Variants in DSCAML1 observed in about 807,000 individuals in gnomAD.
DSCAML1 encodes the protein cell adhesion molecule DSCAML1.
In DSCAML1, 38 loss-of-function variants were observed where a neutral mutation model predicts 200.5. That is an observed-to-expected ratio of 0.19 (90% CI 0.15 to 0.25). The LOEUF is 0.25. DSCAML1 is among the 10% of genes least tolerant of loss of function. The probability of loss-of-function intolerance (pLI) is 1.00; values close to 1 mark genes in which losing one functional copy is unlikely to be tolerated. For synonymous variants in DSCAML1, 1,215 were observed against 1,165.0 expected (o/e 1.04, Z -0.87); for missense variants, 2,223 against 2,858.8 (o/e 0.78, Z 5.07).
intron 3 of DSCAML1, among the ~76,000 whole-genome samples, chr11:117,743,283 G>T (rs1364742638): frequency 1.3e-5 from 2 of 152,160 alleles, no homozygotes; most frequent in Non-Finnish European, 2.9e-5. Flanking sequence ...AGGAGCAAGG[G>T]TGCCCTGCAG....
rs184843151 is a variant in DSCAML1, at chr11:117,762,971, G to C, written c.511+13820C>G. 1.9e-4 allele frequency among the ~76,000 whole-genome samples: 29 copies of C among 152,166 alleles called. No homozygotes were observed. In the East Asian group the frequency reaches 4.8e-3, roughly 25 times the overall value. ...AAATTTGACTATTATTTTATAAAAAGTGAGAGACTATTTAGTTTGCCTTAG... is the reference window on the plus strand; with the variant it reads ...AAATTTGACTATTATTTTATAAAAACTGAGAGACTATTTAGTTTGCCTTAG... On this transcript the variant is annotated intron_variant, in intron 3 of 32. Transcript: ENST00000651296.
rs2049428397 is a variant in DSCAML1, at chr11:117,503,081, C to T, written c.2359+764G>A. 6.6e-6 allele frequency among the ~76,000 whole-genome samples: 1 copy of T among 152,140 alleles called. No individual in the cohort carries two copies. Among genetic ancestry groups the T allele is most frequent in the Non-Finnish European group, 1.5e-5 (1 of 68,020 alleles). ...TGCAGCGTAAAGGGAGAGGCTCACC[C>T]AGTAGGGATATCTGTATGAGACTTA... is the stretch of plus-strand genomic sequence containing the variant. On this transcript the variant is annotated intron_variant, in intron 11 of 32. Transcript: ENST00000651296. The surrounding 1 kb of genome is among the most constrained non-coding windows in gnomAD (Gnocchi z 5.2).
intron 21 of DSCAML1, 63 bp downstream of exon 21, chr11:117,443,823 C>G (rs2048119767): frequency 2.6e-6 from 4 of 1,518,922 alleles, no homozygotes; most frequent in Non-Finnish European, 3.5e-6. Flanking sequence ...TGGGGAGAAC[C>G]AGGATTCTGT....
At position 117,437,115 on chromosome 11, in the gene DSCAML1, G is replaced by A. The variant is rs200261765; in HGVS notation, c.4720+7C>T. ...TCTGTACCATCCCTTCCACCCTTGC[G>A]ACTCACTGCCATCGTAGTCCAGGGT... On this transcript the variant is annotated splice_region_variant and intron_variant, in intron 26 of 32. Coordinates refer to ENST00000651296, the MANE Select transcript of DSCAML1 (RefSeq NM_020693.4). The surrounding 1 kb of genome is among the most constrained non-coding windows in gnomAD (Gnocchi z 5.3). 19 of 1,609,468 alleles carry A rather than the reference G, an allele frequency of 1.2e-5. No homozygotes were observed. In the East Asian group the frequency reaches 1.3e-4, roughly 11 times the overall value.
chr11:117,763,097 A>C (rs1333226084), intron 3 of DSCAML1, among the ~76,000 whole-genome samples: 1 of 152,092 alleles, frequency 6.6e-6, no homozygotes, highest in African/African-American at 2.4e-5. Flanking sequence ...TCCTGGGGTT[A>C]GGGCCAGCAG....
In DSCAML1 at chr11:117,474,116, G is replaced by A. The variant is rs1322794629; in HGVS notation, c.2786-2080C>T. ...TTACCAAGCACCTGCAGTGTGCCAG[G>A]TGCAGCGTTGGGCAATTTAAATGCT... On this transcript the variant is annotated intron_variant, in intron 14 of 32. Coordinates refer to ENST00000651296, the MANE Select transcript of DSCAML1 (RefSeq NM_020693.4). Among the ~76,000 whole-genome samples the A allele has an allele frequency of 5.9e-5, 9 of 152,156 alleles. 1 individual carries two copies. Among genetic ancestry groups the A allele is most frequent in the Admixed American group, 5.9e-4 (9 of 15,270 alleles).
At chr11:117,528,721 C>T (rs1305325831) in intron 4 of DSCAML1, among the ~76,000 whole-genome samples, 1 of 152,168 alleles carries the variant, frequency 6.6e-6, no homozygotes, top group African/African-American at 2.4e-5. Context: ...CTAGTCTCCT[C>T]CTTTATAACT....
In DSCAML1 at chr11:117,739,746, C is replaced by A. The variant is rs368386377; in HGVS notation, c.511+37045G>T. Reference sequence around the variant, plus strand: ...GTGGCTGGGAAAGTCCTGGGCAAACCAGGATGAGTTGATCACCCCAACACC... The same window carrying A: ...GTGGCTGGGAAAGTCCTGGGCAAACAAGGATGAGTTGATCACCCCAACACC... On this transcript the variant is annotated intron_variant, in intron 3 of 32. Coordinates refer to ENST00000651296, the MANE Select transcript of DSCAML1 (RefSeq NM_020693.4). 5.2e-4 allele frequency among the ~76,000 whole-genome samples: 79 copies of A among 152,292 alleles called. 3 individuals carry two copies. The South Asian group carries it at 0.016, about 30-fold the overall frequency.
intron 3 of DSCAML1, among the ~76,000 whole-genome samples, chr11:117,724,425 T>C (rs1365149260): frequency 6.6e-6 from 1 of 151,874 alleles, no homozygotes; most frequent in African/African-American, 2.4e-5. Context: ...GGGTGGGAGG[T>C]AGGAGGCACC....
intron 16 of DSCAML1, among the ~76,000 whole-genome samples, chr11:117,466,560 G>T (rs189578254): frequency 6.6e-6 from 1 of 152,170 alleles, no homozygotes; most frequent in African/African-American, 2.4e-5. Context: ...AATTAGCTGG[G>T]TGTGGTAGCA....
At chr11:117,521,102 C>G (rs754020321) in intron 6 of DSCAML1, 28 bp downstream of exon 6, 2 of 1,604,812 alleles carry the variant, frequency 1.2e-6, no homozygotes, top group Non-Finnish European at 1.7e-6. Flanking sequence ...CCTGAACCCG[C>G]CCCCTGTGTC....
chr11:117,501,366 T>C (rs1221221900), intron 11 of DSCAML1, among the ~76,000 whole-genome samples: 1 of 152,072 alleles, frequency 6.6e-6, no homozygotes, highest in African/African-American at 2.4e-5. Context: ...CCGACAGTGT[T>C]GCCTTGTCAC....
intron 11 of DSCAML1, among the ~76,000 whole-genome samples, chr11:117,486,215 ATGGCGGATGGGAAAG>A (rs1187857003): frequency 6.0e-4 from 90 of 151,132 alleles, no homozygotes; most frequent in East Asian, 1.7e-3. Flanking sequence ...AACTCCCAAA[ATGGCGGATGGGAAAG>A]TGGCGGATGG....
At chr11:117,814,836 G>A (rs1387941545) in intron 1 of DSCAML1, among the ~76,000 whole-genome samples, 3 of 152,196 alleles carry the variant, frequency 2.0e-5, no homozygotes, top group East Asian at 1.9e-4. Context: ...GGGTGTCTGC[G>A]GCCTCCAGGC....
chr11:117,725,486 C>T (rs1168425431), intron 3 of DSCAML1, among the ~76,000 whole-genome samples: 8 of 152,256 alleles, frequency 5.3e-5, no homozygotes, highest in African/African-American at 1.9e-4. Context: ...CAATCCCCCT[C>T]TCCTTACTAT....
chr11:117,529,081 T>A lies in DSCAML1; in HGVS notation c.658+3295A>T, dbSNP rs1394309176. 2.0e-5 allele frequency among the ~76,000 whole-genome samples: 3 copies of A among 152,114 alleles called. No homozygotes were observed. The South Asian group carries it at 6.3e-4, about 32-fold the overall frequency. ...TTATAGGCGGTATTTATTTATTTAT[T>A]TATTTTGGAGACAGAGTCTCACTCT... is the stretch of plus-strand genomic sequence containing the variant. On this transcript the variant is annotated intron_variant, in intron 4 of 32. Transcript: ENST00000651296.
intron 14 of DSCAML1, among the ~76,000 whole-genome samples, chr11:117,479,940 G>A (rs528465360): frequency 9.2e-5 from 14 of 152,250 alleles, no homozygotes; most frequent in African/African-American, 2.6e-4. Context: ...GAGCCACTGC[G>A]CCCAGCTGGG....
intron 7 of DSCAML1, among the ~76,000 whole-genome samples, chr11:117,517,578 A>G (rs1193790486): frequency 6.6e-6 from 1 of 152,184 alleles, no homozygotes; most frequent in East Asian, 1.9e-4. Flanking sequence ...TGGGAAACCC[A>G]CACTTCTGTC....
intron 3 of DSCAML1, among the ~76,000 whole-genome samples, chr11:117,716,695 A>C (rs1218646026): frequency 6.6e-6 from 1 of 152,192 alleles, no homozygotes; most frequent in Non-Finnish European, 1.5e-5. Context: ...TGGCTTTTAT[A>C]TGGTTGAAAT....
Sources: allele counts gnomAD v4.1 joint callset (sites outside exome capture counted in the v4.1 genomes callset), GRCh38; gene constraint gnomAD v4.1.1; non-coding constraint Gnocchi (gnomAD v3.1); transcripts MANE v1.5; gene names NCBI Gene and HGNC (gene_info 2026-07-23, HGNC 2026-07-21).